The following RPS3 variants were observed in gnomAD, a reference collection of about 807,000 sequenced individuals.
The protein encoded by RPS3 is ribosomal protein S3, also known as small ribosomal subunit protein uS3.
RPS3 carries 2 observed loss-of-function variants against 25.8 expected under a neutral mutation model. The observed-to-expected ratio is 0.08, with a 90% CI of 0.03 to 0.24. RPS3 has a LOEUF of 0.24. Among genes scored for constraint, RPS3 ranks in the 10% least tolerant of loss-of-function variants. The probability of loss-of-function intolerance (pLI) is 1.00; values close to 1 mark genes in which losing one functional copy is unlikely to be tolerated. For synonymous variants in RPS3, 114 were observed against 114.2 expected, an observed-to-expected ratio of 1.00 and a Z score of 0.01; for missense variants, 107 against 307.1, an observed-to-expected ratio of 0.35 and a Z score of 4.87.
At chr11:75,414,228 T>A (rs535339128) in intron 6 of RPS3, among the ~76,000 whole-genome samples, 12 of 152,338 alleles carry the variant, frequency 7.9e-5, no homozygotes, top group African/African-American at 2.4e-4. Context: ...CAAAACCATG[T>A]TGTGAAATTG....
chr11:75,418,740 T>C (rs2135072872), intron 6 of RPS3, among the ~76,000 whole-genome samples: 1 of 152,338 alleles, frequency 6.6e-6, no homozygotes, highest in African/African-American at 2.4e-5. Flanking sequence ...GGTGGAGCCC[T>C]AGTAGCTCTG....
chr11:75,401,900 T>A, intron 3 of RPS3, 167 bp downstream of exon 3: 1 of 597,302 alleles, frequency 1.7e-6, no homozygotes, highest in Non-Finnish European at 3.0e-6. Context: ...ATTCTGCTAA[T>A]GGCTGATGGT....
rs890258343 is a variant in RPS3 at position 75,403,758 on chromosome 11, GT to G, written c.351-256del. 3 of 358,316 alleles carry G rather than the reference GT, an allele frequency of 8.4e-6. No individual in the cohort carries two copies. The East Asian group carries it at 1.5e-4, about 18-fold the overall frequency. The allele number at this position is 358,316 out of a possible 1,614,324, so 22.2% of individuals were successfully genotyped here. Reference sequence around the variant, plus strand: ...GGGCCTAGATGTCAGGGTTTCTTTTGTTTTTTATTTTAGCCTTCTGAGGTGA... The same window carrying G: ...GGGCCTAGATGTCAGGGTTTCTTTTGTTTTTATTTTAGCCTTCTGAGGTGA... On this transcript the variant is annotated intron_variant, in intron 4 of 6. Coordinates refer to ENST00000531188, the MANE Select transcript of RPS3 (RefSeq NM_001005.5).
intron 2 of RPS3, among the ~76,000 whole-genome samples, chr11:75,401,248 C>T (rs1948205936): frequency 6.6e-6 from 1 of 152,164 alleles, no homozygotes; most frequent in Admixed American, 6.5e-5. Flanking sequence ...AATGTAATTG[C>T]TTCTTAAAAG....
downstream of RPS3, among the ~76,000 whole-genome samples, chr11:75,407,384 C>G (rs773332462): frequency 6.6e-6 from 1 of 152,240 alleles, no homozygotes; most frequent in Admixed American, 6.5e-5. Flanking sequence ...GTGATCCCCC[C>G]ACCTCGGCCT....
chr11:75,399,686 C>G, intron 1 of RPS3, 109 bp downstream of exon 1: 4 of 970,734 alleles, frequency 4.1e-6, no homozygotes, highest in East Asian at 5.1e-5. Context: ...TGGAAGCGGC[C>G]TAGGCTTCCT....
chr11:75,410,237 T>C (rs1314883719), downstream of RPS3, among the ~76,000 whole-genome samples: 3 of 145,688 alleles, frequency 2.1e-5, no homozygotes, highest in Non-Finnish European at 4.5e-5. Flanking sequence ...CCAGACGGGG[T>C]GGCTGCTGGA....
chr11:75,414,667 T>C (rs1005735919), intron 6 of RPS3, among the ~76,000 whole-genome samples: 1 of 152,062 alleles, frequency 6.6e-6, no homozygotes, highest in African/African-American at 2.4e-5. Flanking sequence ...AGAGTTAGGT[T>C]CTAGTCATTA....
downstream of RPS3, among the ~76,000 whole-genome samples, chr11:75,411,701 T>C (rs770015482): frequency 2.0e-5 from 3 of 152,200 alleles, no homozygotes; most frequent in Non-Finnish European, 2.9e-5. Flanking sequence ...TTAATATGTC[T>C]TAAGTGGGGA....
chr11:75,410,208 C>T (rs1308443637), downstream of RPS3, among the ~76,000 whole-genome samples: 1 of 151,868 alleles, frequency 6.6e-6, no homozygotes, highest in Admixed American at 6.6e-5. Flanking sequence ...ACTGGCCGGG[C>T]GGAGACGCTC....
intron 3 of RPS3, chr11:75,402,065 AT>A: frequency 1.8e-6 from 1 of 545,804 alleles, no homozygotes; most frequent in Non-Finnish European, 3.3e-6. Flanking sequence ...GAATTGAGGG[AT>A]ACTGAAATTA....
chr11:75,400,375 G>A, intron 1 of RPS3: 1 of 528,768 alleles, frequency 1.9e-6, no homozygotes, highest in East Asian at 5.2e-5. Context: ...TTTTGCATGT[G>A]GAACTGTTTT....
chr11:75,410,364 G>A (rs2135065146), downstream of RPS3, among the ~76,000 whole-genome samples: 1 of 152,034 alleles, frequency 6.6e-6, no homozygotes, highest in African/African-American at 2.4e-5. Flanking sequence ...CGGCGGGGCA[G>A]AGGTGCTCCC....
downstream of RPS3, among the ~76,000 whole-genome samples, chr11:75,409,179 T>C (rs144525040): frequency 0.019 from 2,637 of 139,544 alleles, 81 homozygotes; most frequent in African/African-American, 0.068. Context: ...ATTATTATTA[T>C]TATTTATTTA....
intron 6 of RPS3, among the ~76,000 whole-genome samples, chr11:75,419,936 G>T (rs115977931): frequency 3.3e-5 from 5 of 152,194 alleles, no homozygotes; most frequent in African/African-American, 1.2e-4. Flanking sequence ...AATAAATCTT[G>T]TTCTTTGGAA....
At chr11:75,399,805 C>G (rs1470859421) in intron 1 of RPS3, 1 of 560,412 alleles carries the variant, frequency 1.8e-6, no homozygotes, top group Non-Finnish European at 3.2e-6. Context: ...GCACCAGGCG[C>G]CCCTTCTGTC....
downstream of RPS3, among the ~76,000 whole-genome samples, chr11:75,411,547 G>A (rs1192863020): frequency 4.0e-5 from 6 of 151,602 alleles, no homozygotes. Flanking sequence ...CCGCTACCAT[G>A]CCTGGCTAAT....
Position 75,406,492 on chromosome 11 carries a change from G to C in RPS3, c.*882G>C, listed in dbSNP as rs746623357. ...CCCTGGCTCCACAGATGGCTTAGCA[G>C]GTGCTGTGATGATTTGGTTTTCTTC... On this transcript the variant is annotated 3_prime_UTR_variant, in exon 7 of 7. Coordinates refer to ENST00000531188, the MANE Select transcript of RPS3 (RefSeq NM_001005.5). The C allele has an allele frequency of 7.2e-5, 11 of 152,230 alleles. No individual in the cohort carries two copies. The highest frequency in any genetic ancestry group is 9.6e-5 in the African/African-American group (4 of 41,454). The allele number at this position is 152,230 out of a possible 1,614,324, so 9.4% of individuals were successfully genotyped here.
chr11:75,406,902 T>C lies in RPS3; in HGVS notation c.*1292T>C, dbSNP rs1948295531. ...GGTATTAAAAGTAATCCAGTGAAGA[T>C]TGAAAGTCTAAGGATGTGCCTAGGT... On this transcript the variant is annotated 3_prime_UTR_variant, in exon 7 of 7. Transcript: ENST00000531188. 1 of 152,230 alleles carries C rather than the reference T, an allele frequency of 6.6e-6. No individual in the cohort carries two copies. The highest frequency in any genetic ancestry group is 2.4e-5 in the African/African-American group (1 of 41,462). The allele number at this position is 152,230 out of a possible 1,614,324, so 9.4% of individuals were successfully genotyped here.
Sources: gnomAD v4.1 joint callset for allele counts (sites outside exome capture counted in the v4.1 genomes callset) on GRCh38, gnomAD v4.1.1 for gene constraint, MANE v1.5 for transcripts, NCBI Gene and HGNC (gene_info 2026-07-23, HGNC 2026-07-21) for gene names.